IFT140: variants seen among roughly 807,000 people sequenced by gnomAD.
IFT140 encodes the protein intraflagellar transport 140, also known as intraflagellar transport protein 140 homolog.
IFT140 carries 133 observed loss-of-function variants against 164.6 expected under a neutral mutation model. The ratio of observed to expected loss-of-function variants is 0.81; its 90% CI spans 0.70 to 0.93. The LOEUF (loss-of-function observed/expected upper bound fraction) is 0.93. Ranked by LOEUF, IFT140 falls within the 40% of genes least tolerant of loss-of-function variation. The pLI, the probability that IFT140 is intolerant of heterozygous loss-of-function variation, is 0.00. For missense variants in IFT140, 2,045 were observed against 1,972.3 expected (o/e 1.04, Z -0.70); for synonymous variants, 860 against 817.3 (o/e 1.05, Z -0.89).
At chr16:1,576,485 G>A (rs1459482807) in intron 13 of IFT140, among the ~76,000 whole-genome samples, 6 of 151,340 alleles carry the variant, frequency 4.0e-5, no homozygotes, top group African/African-American at 7.3e-5. Context: ...CCAGCTACTC[G>A]GGAGGCTGAA....
intron 19 of IFT140, among the ~76,000 whole-genome samples, chr16:1,549,444 G>C (rs936795987): frequency 6.6e-6 from 1 of 152,192 alleles, no homozygotes. Flanking sequence ...TTTGTTTTTT[G>C]AGACTGGCTT....
intron 19 of IFT140, among the ~76,000 whole-genome samples, chr16:1,546,838 A>G (rs1016345446): frequency 3.3e-5 from 5 of 152,180 alleles, no homozygotes; most frequent in Non-Finnish European, 5.9e-5. Context: ...GGGTTGAGTC[A>G]TATCTTCAAT....
intron 19 of IFT140, among the ~76,000 whole-genome samples, chr16:1,542,890 T>C (rs1015486033): frequency 6.6e-6 from 1 of 152,344 alleles, no homozygotes; most frequent in South Asian, 2.1e-4. Flanking sequence ...TGAGAAGACC[T>C]GGCGTCATAG....
chr16:1,584,196 A>G, intron 11 of IFT140, 21 bp downstream of exon 11: 1 of 1,606,838 alleles, frequency 6.2e-7, no homozygotes, highest in Non-Finnish European at 8.5e-7. Context: ...TGTCCCACCC[A>G]CGGGTCCCCT....
intron 19 of IFT140, among the ~76,000 whole-genome samples, chr16:1,544,217 T>A (rs150672825): frequency 0.08 from 11,272 of 140,240 alleles, 488 homozygotes; most frequent in African/African-American, 0.12. Flanking sequence ...GAAGTCTCAC[T>A]CTGTCACCCA....
intron 2 of IFT140, among the ~76,000 whole-genome samples, chr16:1,607,925 G>A (rs762847414): frequency 2.0e-5 from 3 of 152,170 alleles, no homozygotes; most frequent in Non-Finnish European, 4.4e-5. Context: ...GATTACAGCC[G>A]TGGGCCACCA....
At chr16:1,573,523 ACGAACT>A (rs1408119931) in intron 13 of IFT140, among the ~76,000 whole-genome samples, 1 of 151,974 alleles carries the variant, frequency 6.6e-6, no homozygotes, top group Non-Finnish European at 1.5e-5. Flanking sequence ...CCAAGGCACC[ACGAACT>A]CGAACTTGCA....
In IFT140 at chr16:1,558,147, G is replaced by A. The variant is rs1178492132; in HGVS notation, c.2200-13C>T. On this transcript the variant is annotated splice_polypyrimidine_tract_variant and intron_variant, in intron 18 of 30. Transcript: ENST00000426508. ...CTGCTTCTTCGGGCTAAATGACAAA[G>A]GACCCATGTGTTTGTTAATTCATAT... 1.9e-6 allele frequency: 3 copies of A among 1,613,666 alleles called. No homozygotes were observed. The highest frequency in any genetic ancestry group is 2.2e-5 in the East Asian group (1 of 44,872).
At chr16:1,608,123 G>A (rs375360633) in intron 2 of IFT140, among the ~76,000 whole-genome samples, 3 of 152,156 alleles carry the variant, frequency 2.0e-5, no homozygotes, top group African/African-American at 7.2e-5. Context: ...ATGCACAGCC[G>A]CAGCAGCTGT....
rs757852837 is a variant in IFT140, at chr16:1,524,607, G to A, written c.3086C>T (p.Ala1029Val). ...CTGTGCCCGGGTGTAGAAGTGCACC[G>A]CCTGCCCGACCTCCTCCTGGCTCTC... ...QYESQEEVGQ[A>V]VHFYTRAQAF... The change falls in exon 24 of 31, where the codon GCG (alanine) becomes GTG (valine). Residue 1029 changes from alanine to valine, a missense_variant. Ala to Val is a moderately conservative substitution (Grantham distance 64). Transcript: ENST00000426508. 111 of 1,605,628 alleles carry A rather than the reference G, an allele frequency of 6.9e-5. No individual in the cohort carries two copies. Among genetic ancestry groups the A allele is most frequent in the Non-Finnish European group, 8.9e-5 (105 of 1,174,488 alleles).
intron 15 of IFT140, 146 bp downstream of exon 15, chr16:1,568,071 G>C: frequency 1.6e-6 from 1 of 638,906 alleles, no homozygotes; most frequent in Non-Finnish European, 2.8e-6. Context: ...GACCCGGGGA[G>C]ACGAGGGGAA....
rs1428351639 is a variant in IFT140 at position 1,520,239 on chromosome 16, C to T, written c.3765G>A (p.Gln1255=). The T allele has an allele frequency of 1.9e-6, 3 of 1,614,232 alleles. No individual in the cohort carries two copies. The highest frequency in any genetic ancestry group is 2.2e-5 in the East Asian group (1 of 44,878). Residue 1255 remains glutamine (Q), a synonymous_variant, in exon 28 of 31, where the codon CAG becomes CAA. Coordinates refer to ENST00000426508, the MANE Select transcript of IFT140 (RefSeq NM_014714.4). ...EIYIMAANYL[Q]SLDWRKEPEI... Reference sequence around the variant, plus strand: ...CCGGCTCCTTCCGCCAGTCCAGGGACTGCAGGTAGTTAGCAGCCATGATGT... The same window carrying T: ...CCGGCTCCTTCCGCCAGTCCAGGGATTGCAGGTAGTTAGCAGCCATGATGT...
intron 14 of IFT140, among the ~76,000 whole-genome samples, chr16:1,568,729 G>A (rs568936557): frequency 8.5e-5 from 13 of 152,134 alleles, no homozygotes; most frequent in African/African-American, 2.9e-4. Flanking sequence ...ACTCCAGCCT[G>A]GGCGACAGAG....
At chr16:1,559,506 G>A (rs111841312) in intron 18 of IFT140, among the ~76,000 whole-genome samples, 3,183 of 152,224 alleles carry the variant, frequency 0.021, 107 homozygotes, top group African/African-American at 0.072. Flanking sequence ...TGTGAACAAG[G>A]GCAGCGTTAA....
chr16:1,588,086 A>T, intron 7 of IFT140, 62 bp from the exon 8 acceptor site: 1 of 1,371,296 alleles, frequency 7.3e-7, no homozygotes, highest in Non-Finnish European at 1.0e-6. Flanking sequence ...TCCCGGCTTC[A>T]GGAGCCTGGA....
At position 1,517,739 on chromosome 16, in the gene IFT140, G is replaced by A. The variant is rs538208882; in HGVS notation, c.4182+477C>T. On this transcript the variant is annotated intron_variant, in intron 30 of 30. Transcript: ENST00000426508. ...CGTGGTTATTCAGACTCGGGTACAT[G>A]CAGACATTTCTTCACAAATAAAGTA... 1.1e-3 allele frequency among the ~76,000 whole-genome samples: 164 copies of A among 152,318 alleles called. 2 individuals are homozygous for A. Among genetic ancestry groups the A allele is most frequent in the Admixed American group, 3.3e-4 (5 of 15,298 alleles).
chr16:1,589,395 C>T (rs1384004192), intron 7 of IFT140, among the ~76,000 whole-genome samples: 1 of 152,328 alleles, frequency 6.6e-6, no homozygotes, highest in African/African-American at 2.4e-5. Context: ...CCCAAAGATG[C>T]AGGAGAATCT....
chr16:1,542,664 C>A (rs1027854060), intron 19 of IFT140, among the ~76,000 whole-genome samples: 1 of 152,264 alleles, frequency 6.6e-6, no homozygotes. Flanking sequence ...CACGCTAGCA[C>A]GTTCCACACT....
At chr16:1,561,063 G>T (rs1313092458) in intron 18 of IFT140, among the ~76,000 whole-genome samples, 1 of 152,224 alleles carries the variant, frequency 6.6e-6, no homozygotes, top group Non-Finnish European at 1.5e-5. Context: ...GCGCCAGCTG[G>T]GACGTGAGTC....
Sources: allele counts gnomAD v4.1 joint callset (sites outside exome capture counted in the v4.1 genomes callset), GRCh38; gene constraint gnomAD v4.1.1; transcripts MANE v1.5; gene names NCBI Gene and HGNC (gene_info 2026-07-23, HGNC 2026-07-21).